The following COPS3 variants were observed in gnomAD, a reference collection of about 807,000 sequenced individuals.
COPS3 encodes COP9 signalosome complex subunit 3.
In COPS3, 10 loss-of-function variants were observed where a neutral mutation model predicts 58.2. The observed-to-expected ratio is 0.17, with a 90% CI of 0.11 to 0.29. COPS3 has a LOEUF of 0.29. Among genes scored for constraint, COPS3 ranks in the 10% least tolerant of loss-of-function variants. The pLI is 1.00. For missense variants in COPS3, 333 were observed against 510.1 expected, an observed-to-expected ratio of 0.65 and a Z score of 3.34; for synonymous variants, 187 against 181.7, an observed-to-expected ratio of 1.03 and a Z score of -0.24.
intron 8 of COPS3, among the ~76,000 whole-genome samples, chr17:17,260,027 C>T (rs958091368): frequency 6.6e-6 from 1 of 152,216 alleles, no homozygotes; most frequent in Non-Finnish European, 1.5e-5. Context: ...GCTGACCTCT[C>T]TGAGGCTGCC....
At chr17:17,247,401 CTT>C (rs1175671326) in intron 11 of COPS3, 77 bp downstream of exon 11, 1 of 1,330,034 alleles carries the variant, frequency 7.5e-7, no homozygotes, top group Non-Finnish European at 1.1e-6. Context: ...TAACCTGAAA[CTT>C]AGTTCCTGTG....
intron 2 of COPS3, among the ~76,000 whole-genome samples, chr17:17,275,770 T>C (rs2048448243): frequency 6.6e-6 from 1 of 152,078 alleles, no homozygotes; most frequent in Non-Finnish European, 1.5e-5. Flanking sequence ...GGTGAAACCC[T>C]GTCTCTACTA....
intron 9 of COPS3, among the ~76,000 whole-genome samples, chr17:17,250,046 T>A (rs577326034): frequency 6.6e-6 from 1 of 152,268 alleles, no homozygotes; most frequent in East Asian, 1.9e-4. Flanking sequence ...CTAGGCCCAT[T>A]AGCAGTCCCT....
At position 17,280,580 on chromosome 17, in the gene COPS3, G is replaced by A. The variant is rs1241148908; in HGVS notation, c.55+552C>T. 6 of 1,289,882 alleles carry A rather than the reference G, an allele frequency of 4.7e-6. No individual in the cohort carries two copies. The Admixed American group carries it at 1.4e-4, about 31-fold the overall frequency. The allele number at this position is 1,289,882 out of a possible 1,614,324, so 79.9% of individuals were successfully genotyped here. On this transcript the variant is annotated intron_variant, in intron 1 of 11. Transcript: ENST00000268717. ...AGAAGAAATGGAGTCCTACGAGCGAGAGCTTCCGCAGCATTCTGTAGGACC... is the reference window on the plus strand; with the variant it reads ...AGAAGAAATGGAGTCCTACGAGCGAAAGCTTCCGCAGCATTCTGTAGGACC...
chr17:17,270,494 A>C (rs1227226281), intron 4 of COPS3, among the ~76,000 whole-genome samples: 1 of 152,166 alleles, frequency 6.6e-6, no homozygotes, highest in Non-Finnish European at 1.5e-5. Flanking sequence ...TTACAACATA[A>C]AGGGTACTGG....
chr17:17,248,233 A>G (rs2047765130), intron 10 of COPS3, among the ~76,000 whole-genome samples: 1 of 152,194 alleles, frequency 6.6e-6, no homozygotes, highest in Admixed American at 6.5e-5. Context: ...TGGGCCCTTT[A>G]AGTGTTTTCA....
At chr17:17,278,996 T>A (rs564948026) in intron 1 of COPS3, among the ~76,000 whole-genome samples, 2 of 151,686 alleles carry the variant, frequency 1.3e-5, no homozygotes, top group East Asian at 3.9e-4. Context: ...TGCCTCAGCC[T>A]CCCGAGTAGC....
At position 17,260,489 on chromosome 17, in the gene COPS3, G is replaced by A. The variant is rs773417129; in HGVS notation, c.763-15C>T. Reference sequence around the variant, plus strand: ...TTGCTAAGAGGCTAAAGATGCAAAGGAGGGAAAAAATTCAGATTAAAACTT... The same window carrying A: ...TTGCTAAGAGGCTAAAGATGCAAAGAAGGGAAAAAATTCAGATTAAAACTT... On this transcript the variant is annotated splice_polypyrimidine_tract_variant and intron_variant, in intron 7 of 11. Transcript: ENST00000268717. 7 of 1,612,646 alleles carry A rather than the reference G, an allele frequency of 4.3e-6. No individual in the cohort carries two copies. In the Admixed American group the frequency reaches 5.0e-5, roughly 12 times the overall value.
At chr17:17,278,305 C>T (rs1234483894) in intron 1 of COPS3, among the ~76,000 whole-genome samples, 2 of 152,184 alleles carry the variant, frequency 1.3e-5, no homozygotes, top group African/African-American at 2.4e-5. Flanking sequence ...AAGTTTCCAA[C>T]TTCTCTATTT....
intron 2 of COPS3, among the ~76,000 whole-genome samples, chr17:17,274,887 T>C (rs2048428504): frequency 6.6e-6 from 1 of 152,036 alleles, no homozygotes; most frequent in Admixed American, 6.6e-5. Context: ...TCTGAGTTAC[T>C]TGGGAAGGAT....
chr17:17,254,435 C>G (rs942763855), intron 9 of COPS3, among the ~76,000 whole-genome samples: 5 of 152,128 alleles, frequency 3.3e-5, no homozygotes, highest in African/African-American at 9.7e-5. Flanking sequence ...AGGCTCCCCC[C>G]GCTTTTCTCC....
intron 8 of COPS3, among the ~76,000 whole-genome samples, chr17:17,259,666 A>G (rs190311786): frequency 1.4e-4 from 22 of 152,282 alleles, no homozygotes; most frequent in African/African-American, 5.3e-4. Flanking sequence ...AGGCCAAGGC[A>G]GGTGGATCAC....
chr17:17,271,146 C>G (rs1194616114), intron 2 of COPS3, 138 bp from the exon 3 acceptor site: 1 of 715,930 alleles, frequency 1.4e-6, no homozygotes, highest in Non-Finnish European at 2.4e-6. Flanking sequence ...GAATTAAGAA[C>G]TAGGCCAGGA....
chr17:17,266,955 G>A (rs1192918714), intron 5 of COPS3, among the ~76,000 whole-genome samples: 2 of 151,316 alleles, frequency 1.3e-5, no homozygotes, highest in African/African-American at 2.4e-5. Flanking sequence ...TGATCCGCCC[G>A]CCTCAGCCTC....
chr17:17,260,057 A>T lies in COPS3; in HGVS notation c.936+244T>A, dbSNP rs77161056. Among the ~76,000 whole-genome samples, 106 of 152,290 alleles carry T rather than the reference A, an allele frequency of 7.0e-4. 2 individuals are homozygous for T. In the East Asian group the frequency reaches 0.019, roughly 27 times the overall value. ...GCTGCCTTTCACTGTCTCCCAATGTAGCCTTGTCTCCTACCTTTCTTCCTC... is the reference window on the plus strand; with the variant it reads ...GCTGCCTTTCACTGTCTCCCAATGTTGCCTTGTCTCCTACCTTTCTTCCTC... On this transcript the variant is annotated intron_variant, in intron 8 of 11. Coordinates refer to ENST00000268717, the MANE Select transcript of COPS3 (RefSeq NM_003653.4).
intron 4 of COPS3, among the ~76,000 whole-genome samples, chr17:17,270,447 G>A (rs2048320253): frequency 6.6e-6 from 1 of 152,050 alleles, no homozygotes; most frequent in African/African-American, 2.4e-5. Context: ...CTAATTAAAA[G>A]TTAAAAGAAA....
At chr17:17,265,007 T>A in intron 5 of COPS3, 26 bp from the exon 6 acceptor site, 1 of 1,589,490 alleles carries the variant, frequency 6.3e-7, no homozygotes, top group Non-Finnish European at 8.5e-7. Flanking sequence ...TATTAAATCA[T>A]CACTTTAATT....
intron 11 of COPS3, 30 bp from the exon 12 acceptor site, chr17:17,247,181 A>C: frequency 6.2e-7 from 1 of 1,607,738 alleles, no homozygotes; most frequent in Non-Finnish European, 8.5e-7. Flanking sequence ...TTATGTATTT[A>C]TGTTTGCTTT....
intron 1 of COPS3, chr17:17,280,743 G>A (rs1220386883): frequency 2.4e-6 from 3 of 1,239,424 alleles, no homozygotes; most frequent in South Asian, 1.4e-5. Context: ...GCTGCGGATC[G>A]GCGGCAAAGA....
Sources: gnomAD v4.1 joint callset for allele counts (sites outside exome capture counted in the v4.1 genomes callset) on GRCh38, gnomAD v4.1.1 for gene constraint, MANE v1.5 for transcripts, NCBI Gene and HGNC (gene_info 2026-07-23, HGNC 2026-07-21) for gene names.